The following EYS variants were observed in gnomAD, a reference collection of about 807,000 sequenced individuals.
The protein encoded by EYS is protein eyes shut homolog.
Under a neutral mutation model 282.1 loss-of-function variants are expected in EYS, and 250 were observed. The observed-to-expected ratio is 0.89, with a 90% CI of 0.80 to 0.98. The LOEUF (loss-of-function observed/expected upper bound fraction) is 0.98, where lower values mean the gene tolerates loss of function less well. EYS is among the 50% of genes least tolerant of loss of function. The pLI is 0.00. For synonymous variants in EYS, 1,355 were observed against 1,282.9 expected, an observed-to-expected ratio of 1.06 and a Z score of -1.20; for missense variants, 4,016 against 3,709.0, an observed-to-expected ratio of 1.08 and a Z score of -2.15.
intron 12 of EYS, among the ~76,000 whole-genome samples, chr6:65,228,249 T>C (rs1234881121): frequency 1.3e-5 from 2 of 151,884 alleles, no homozygotes; most frequent in African/African-American, 2.4e-5. Context: ...AGCACTCAGA[T>C]TGAAAAGGAA....
At chr6:65,431,618 A>C (rs1767890905) in intron 5 of EYS, among the ~76,000 whole-genome samples, 1 of 152,138 alleles carries the variant, frequency 6.6e-6, no homozygotes, top group African/African-American at 2.4e-5. Context: ...TAACATTATT[A>C]GGTGGAAATA....
At chr6:64,038,577 TTA>T (rs1242861525) in intron 33 of EYS, among the ~76,000 whole-genome samples, 3 of 151,988 alleles carry the variant, frequency 2.0e-5, no homozygotes, top group Non-Finnish European at 4.4e-5. Flanking sequence ...AGGATATACT[TTA>T]TATATCCTAA....
chr6:63,734,223 T>C (rs1768853109), intron 41 of EYS, among the ~76,000 whole-genome samples: 1 of 151,990 alleles, frequency 6.6e-6, no homozygotes. Context: ...CTTAGAATCA[T>C]GCAGCACACT....
intron 1 of EYS, among the ~76,000 whole-genome samples, chr6:65,651,317 C>G (rs1181721803): frequency 3.3e-5 from 5 of 151,772 alleles, no homozygotes; most frequent in Non-Finnish European, 7.4e-5. Context: ...AATATATATA[C>G]TTATTTAATG....
chr6:65,188,639 T>C (rs1466122692), intron 12 of EYS, among the ~76,000 whole-genome samples: 2 of 151,224 alleles, frequency 1.3e-5, no homozygotes, highest in Non-Finnish European at 3.0e-5. Flanking sequence ...GACTTTAAAA[T>C]ACAGATATTA....
At chr6:65,587,416 C>T (rs1301689580) in intron 2 of EYS, among the ~76,000 whole-genome samples, 2 of 152,058 alleles carry the variant, frequency 1.3e-5, no homozygotes, top group Non-Finnish European at 2.9e-5. Flanking sequence ...GTGCTATTCT[C>T]ATGATAGTGA....
At chr6:64,119,669 A>G (rs1017097111) in intron 31 of EYS, among the ~76,000 whole-genome samples, 6 of 152,206 alleles carry the variant, frequency 3.9e-5, no homozygotes, top group African/African-American at 1.4e-4. Flanking sequence ...GCAAAACTTA[A>G]TATAGCTAAG....
chr6:64,771,967 CT>C (rs1773536384), intron 22 of EYS, among the ~76,000 whole-genome samples: 1 of 151,594 alleles, frequency 6.6e-6, no homozygotes, highest in South Asian at 2.1e-4. Context: ...ATTTTTTCAT[CT>C]CTCGTGTAAA....
chr6:64,079,939 G>T (rs1771905763), intron 32 of EYS, among the ~76,000 whole-genome samples: 1 of 152,140 alleles, frequency 6.6e-6, no homozygotes, highest in Non-Finnish European at 1.5e-5. Context: ...TGGTTTATAT[G>T]TGCCACATTT....
At chr6:64,864,988 C>T (rs569728923) in intron 19 of EYS, among the ~76,000 whole-genome samples, 5 of 152,054 alleles carry the variant, frequency 3.3e-5, no homozygotes, top group African/African-American at 7.2e-5. Flanking sequence ...GCCTAGATAG[C>T]GCCATTGCAC....
chr6:64,491,134 G>A (rs1010347376), intron 26 of EYS, among the ~76,000 whole-genome samples: 19 of 150,932 alleles, frequency 1.3e-4, no homozygotes, highest in African/African-American at 4.6e-4. Flanking sequence ...CCAATATGAA[G>A]AGCTTTTAAT....
intron 12 of EYS, among the ~76,000 whole-genome samples, chr6:65,157,989 A>G (rs1269008305): frequency 2.6e-5 from 4 of 150,946 alleles, no homozygotes; most frequent in African/African-American, 9.7e-5. Context: ...TTATACTAGA[A>G]GGCACAGAAC....
intron 7 of EYS, among the ~76,000 whole-genome samples, chr6:65,391,611 A>C (rs2150356665): frequency 6.6e-6 from 1 of 152,230 alleles, no homozygotes; most frequent in South Asian, 2.1e-4. Context: ...TCCAACTTAC[A>C]AGGGATGTGA....
intron 5 of EYS, among the ~76,000 whole-genome samples, chr6:65,489,040 G>C (rs1765922108): frequency 6.6e-6 from 1 of 152,000 alleles, no homozygotes; most frequent in Non-Finnish European, 1.5e-5. Context: ...GAAAACCTGG[G>C]GAATACCATT....
At chr6:65,400,715 C>T (rs1766461717) in intron 7 of EYS, among the ~76,000 whole-genome samples, 1 of 151,890 alleles carries the variant, frequency 6.6e-6, no homozygotes, top group Admixed American at 6.6e-5. Flanking sequence ...CTCTCATCTA[C>T]CCATATAAAT....
At chr6:63,945,096 A>C (rs1409063249) in intron 35 of EYS, among the ~76,000 whole-genome samples, 1 of 152,214 alleles carries the variant, frequency 6.6e-6, no homozygotes, top group Non-Finnish European at 1.5e-5. Context: ...CCATTATATT[A>C]GTACTTTCTC....
chr6:64,734,115 A>G (rs973011991), intron 22 of EYS, among the ~76,000 whole-genome samples: 3 of 63,894 alleles, frequency 4.7e-5, no homozygotes, highest in African/African-American at 1.2e-4. Flanking sequence ...TATTGCAGAT[A>G]TTTTAAGGGA....
intron 22 of EYS, among the ~76,000 whole-genome samples, chr6:64,720,143 T>C (rs1291021852): frequency 6.6e-6 from 1 of 152,158 alleles, no homozygotes; most frequent in Non-Finnish European, 1.5e-5. Context: ...AGATAGAATC[T>C]ACTTCCTCAC....
chr6:65,213,882 C>A (rs145428091), intron 12 of EYS, among the ~76,000 whole-genome samples: 1 of 151,900 alleles, frequency 6.6e-6, no homozygotes, highest in Non-Finnish European at 1.5e-5. Context: ...GAAAGCTGGC[C>A]GGGCGTGGTG....
Sources: gnomAD v4.1 joint callset for allele counts (sites outside exome capture counted in the v4.1 genomes callset) on GRCh38, gnomAD v4.1.1 for gene constraint, MANE v1.5 for transcripts, NCBI Gene and HGNC (gene_info 2026-07-23, HGNC 2026-07-21) for gene names.